Variants in FRK observed in about 807,000 individuals in gnomAD.
The protein encoded by FRK is fyn related Src family tyrosine kinase, also known as tyrosine-protein kinase FRK.
In FRK, 51 loss-of-function variants were observed where a neutral mutation model predicts 56.4. That is an observed-to-expected ratio of 0.90 (90% CI 0.72 to 1.14). The LOEUF is 1.14. Among genes scored for constraint, FRK ranks in the 50% most tolerant of loss-of-function variants. The probability of loss-of-function intolerance (pLI) is 0.00; values close to 1 mark genes in which losing one functional copy is unlikely to be tolerated. For synonymous variants in FRK, 245 were observed against 217.9 expected (o/e 1.12, Z -1.10); for missense variants, 570 against 601.4 (o/e 0.95, Z 0.55).
At chr6:116,094,483 T>C in the FRK span, among the ~76,000 whole-genome samples, 3 of 152,364 alleles carry the variant, frequency 2.0e-5, no homozygotes, top group Non-Finnish European at 2.9e-5. Flanking sequence ...TCAGTTGTAA[T>C]TGGTAGACTT....
chr6:116,057,356 T>A (rs1344050931), intron 1 of FRK, among the ~76,000 whole-genome samples: 1 of 152,202 alleles, frequency 6.6e-6, no homozygotes, highest in Non-Finnish European at 1.5e-5. Context: ...ATATAATTCT[T>A]CAAGTGTTAA....
chr6:115,972,320 G>A (rs1415258360), intron 2 of FRK, among the ~76,000 whole-genome samples: 1 of 152,124 alleles, frequency 6.6e-6, no homozygotes, highest in Admixed American at 6.5e-5. Flanking sequence ...GAGAGAAGCT[G>A]GTGCCCTAAG....
At chr6:116,084,843 A>T in the FRK span, among the ~76,000 whole-genome samples, 1 of 152,220 alleles carries the variant, frequency 6.6e-6, no homozygotes, top group Non-Finnish European at 1.5e-5. Context: ...GGATATATCA[A>T]TGAAGTGATT....
At chr6:116,077,656 T>C in the FRK span, among the ~76,000 whole-genome samples, 1 of 152,230 alleles carries the variant, frequency 6.6e-6, no homozygotes, top group Non-Finnish European at 1.5e-5. Context: ...TTTGAATATT[T>C]CCTAAATTCC....
At chr6:116,039,652 A>G (rs1776636327) in intron 1 of FRK, among the ~76,000 whole-genome samples, 1 of 151,506 alleles carries the variant, frequency 6.6e-6, no homozygotes, top group Non-Finnish European at 1.5e-5. Flanking sequence ...TTATATCTTC[A>G]CCCTGTAATG....
At chr6:115,986,723 T>C (rs914263944) in intron 2 of FRK, among the ~76,000 whole-genome samples, 5 of 152,278 alleles carry the variant, frequency 3.3e-5, no homozygotes, top group African/African-American at 1.2e-4. Context: ...AATTATGATC[T>C]CTACTTTCTG....
the FRK span, among the ~76,000 whole-genome samples, chr6:116,092,131 C>G: frequency 2.0e-5 from 3 of 152,112 alleles, no homozygotes; most frequent in Non-Finnish European, 4.4e-5. Context: ...ACTCTGTTAC[C>G]TTCTTTAGGC....
intron 1 of FRK, among the ~76,000 whole-genome samples, chr6:116,053,464 T>A (rs1056665224): frequency 6.6e-6 from 1 of 152,178 alleles, no homozygotes; most frequent in Non-Finnish European, 1.5e-5. Context: ...TGTGTCTACT[T>A]TGACAATCTC....
chr6:116,037,733 T>G (rs1395464753), intron 1 of FRK, among the ~76,000 whole-genome samples: 1 of 152,254 alleles, frequency 6.6e-6, no homozygotes, highest in Non-Finnish European at 1.5e-5. Context: ...ATCATTTGTT[T>G]AATAAACATC....
chr6:116,080,205 G>C, the FRK span, among the ~76,000 whole-genome samples: 2 of 152,138 alleles, frequency 1.3e-5, no homozygotes, highest in African/African-American at 4.8e-5. Context: ...CACCAGGTTG[G>C]AGTACAGTGG....
At position 115,931,390 on chromosome 6, in the gene FRK, G is replaced by A. The variant is rs1376918764; in HGVS notation, c.*11024C>T. On this transcript the variant is annotated 3_prime_UTR_variant, in exon 8 of 8. Coordinates refer to ENST00000606080, the MANE Select transcript of FRK (RefSeq NM_002031.3). ...TTGTAAGTAGTTACATTTGAATCTGGGTAAATAATAGCATTATAACAAGTG... is the reference window on the plus strand; with the variant it reads ...TTGTAAGTAGTTACATTTGAATCTGAGTAAATAATAGCATTATAACAAGTG... 1 of 151,892 alleles carries A rather than the reference G, an allele frequency of 6.6e-6. No homozygotes were observed. Among genetic ancestry groups the A allele is most frequent in the African/African-American group, 2.4e-5 (1 of 41,346 alleles). 9.4% of individuals were successfully genotyped at this position (151,892 alleles called of 1,614,324 possible). A position where few individuals can be genotyped will look rare whatever the true frequency, so the allele number is the denominator to read the frequency against.
chr6:115,997,998 G>A (rs1354632445), intron 2 of FRK, among the ~76,000 whole-genome samples: 1 of 152,176 alleles, frequency 6.6e-6, no homozygotes, highest in African/African-American at 2.4e-5. Context: ...AACTCAGACT[G>A]CTTAGCACCA....
At chr6:116,039,227 A>C (rs1776618605) in intron 1 of FRK, 1 of 1,484,160 alleles carries the variant, frequency 6.7e-7, no homozygotes, top group South Asian at 1.1e-5. Context: ...GACTGGAGCA[A>C]GGTCGTCCTG....
At position 115,943,072 on chromosome 6, in the gene FRK, T is replaced by C. The variant is rs773962419; in HGVS notation, c.1254A>G (p.Ser418=). 1.2e-6 allele frequency: 2 copies of C among 1,613,426 alleles called. No individual in the cohort carries two copies. Among genetic ancestry groups the C allele is most frequent in the South Asian group, 1.1e-5 (1 of 91,004 alleles). Residue 418 remains serine, a synonymous_variant, in exon 7 of 8, where the codon TCA becomes TCG. Coordinates refer to ENST00000606080, the MANE Select transcript of FRK (RefSeq NM_002031.3). The part of the protein sequence containing the change: ...NKFSIKSDVW[S]FGILLYEIIT... Reference sequence around the variant, plus strand: ...TGATTTCATAAAGAAGGATTCCAAATGACCATACATCGGACTTAATGCTGA... The same window carrying C: ...TGATTTCATAAAGAAGGATTCCAAACGACCATACATCGGACTTAATGCTGA...
intron 4 of FRK, among the ~76,000 whole-genome samples, chr6:115,958,689 A>G (rs200366310): frequency 2.3e-4 from 1 of 4,406 alleles, no homozygotes; most frequent in Non-Finnish European, 4.6e-4. Context: ...AGAAAGAAAG[A>G]AAGAAAGAAA....
At chr6:115,964,887 C>G (rs1015939368) in intron 4 of FRK, among the ~76,000 whole-genome samples, 1 of 17,354 alleles carries the variant, frequency 5.8e-5, no homozygotes, top group Non-Finnish European at 1.6e-4. Context: ...ACACCTTATA[C>G]AAAAATCAAT....
At chr6:115,973,605 C>T (rs763174206) in intron 2 of FRK, among the ~76,000 whole-genome samples, 1 of 152,146 alleles carries the variant, frequency 6.6e-6, no homozygotes, top group African/African-American at 2.4e-5. Flanking sequence ...CATGGTGGCT[C>T]ATGCCTGTAA....
chr6:116,090,513 G>T, the FRK span, among the ~76,000 whole-genome samples: 1 of 152,196 alleles, frequency 6.6e-6, no homozygotes, highest in African/African-American at 2.4e-5. Flanking sequence ...TGAAATGGCC[G>T]CATGGTTTGA....
Position 115,968,693 on chromosome 6 carries a change from A to T in FRK, c.513T>A (p.Asp171Glu). Residue 171 changes from aspartate to glutamate, a missense_variant, in exon 3 of 8, where the codon GAT becomes GAA. Coordinates refer to ENST00000606080, the MANE Select transcript of FRK (RefSeq NM_002031.3). The part of the protein sequence containing the change: ...VVKHYRIKRL[D>E]EGGFFLTRRR... ...TTCGCGTGAGAAAAAATCCCCCTTCATCCAGTCTTTTAATTCTGTAGTGTT... is the reference window on the plus strand; with the variant it reads ...TTCGCGTGAGAAAAAATCCCCCTTCTTCCAGTCTTTTAATTCTGTAGTGTT... The T allele has an allele frequency of 6.2e-7, 1 of 1,613,822 alleles. No homozygotes were observed. Among genetic ancestry groups the T allele is most frequent in the Non-Finnish European group, 8.5e-7 (1 of 1,179,832 alleles).
Sources: gnomAD v4.1 joint callset for allele counts (sites outside exome capture counted in the v4.1 genomes callset) on GRCh38, gnomAD v4.1.1 for gene constraint, MANE v1.5 for transcripts, NCBI Gene and HGNC (gene_info 2026-07-23, HGNC 2026-07-21) for gene names.